Variants in MRPL32 observed in about 807,000 individuals in gnomAD.
The protein encoded by MRPL32 is large ribosomal subunit protein bL32m.
In MRPL32, 14 loss-of-function variants were observed where a neutral mutation model predicts 21.7. The observed-to-expected ratio is 0.64, with a 90% CI of 0.43 to 1.01. The LOEUF (loss-of-function observed/expected upper bound fraction) is 1.01. Among genes scored for constraint, MRPL32 ranks in the 50% least tolerant of loss-of-function variants. The pLI is 0.00. For synonymous variants in MRPL32, 83 were observed against 87.7 expected, an observed-to-expected ratio of 0.95 and a Z score of 0.30; for missense variants, 211 against 235.9, an observed-to-expected ratio of 0.89 and a Z score of 0.69.
At position 42,937,348 on chromosome 7, in the gene MRPL32, T is replaced by C; in HGVS notation, c.339T>C (p.Cys113=). 1 of 1,614,242 alleles carries C rather than the reference T, an allele frequency of 6.2e-7. No homozygotes were observed. Among genetic ancestry groups the C allele is most frequent in the Non-Finnish European group, 8.5e-7 (1 of 1,180,040 alleles). Residue 113 remains cysteine, a synonymous_variant, in exon 3 of 3, where the codon TGT becomes TGC. Transcript: ENST00000223324. The part of the protein sequence containing the change: ...VKNNIDVCPE[C]GHLKQKHVLC... ...ACAACATAGACGTTTGTCCTGAATG[T>C]GGTCACCTGAAACAGAAACATGTCC...
chr7:42,935,298 A>C, intron 2 of MRPL32, 162 bp downstream of exon 2: 2 of 599,058 alleles, frequency 3.3e-6, no homozygotes, highest in Non-Finnish European at 5.7e-6. Flanking sequence ...ACATAATGAG[A>C]AGGCTAGAGC....
chr7:42,936,452 A>G (rs1786423864), intron 2 of MRPL32: 1 of 152,204 alleles, frequency 6.6e-6, no homozygotes. Context: ...TTAGGCAAGT[A>G]ATATACAAGC....
chr7:42,932,600 CT>C, intron 1 of MRPL32, 84 bp downstream of exon 1: 1 of 1,422,280 alleles, frequency 7.0e-7, no homozygotes, highest in Admixed American at 2.6e-5. Context: ...ACAGTTCGCC[CT>C]CAGCCCCGGT....
intron 2 of MRPL32, chr7:42,936,861 G>C: frequency 4.0e-6 from 1 of 248,256 alleles, no homozygotes; most frequent in Non-Finnish European, 8.1e-6. Flanking sequence ...GTGATAAAAA[G>C]AGGAAGCCAA....
chr7:42,932,841 A>AT (rs372302840), intron 1 of MRPL32, among the ~76,000 whole-genome samples: 2 of 150,514 alleles, frequency 1.3e-5, no homozygotes, highest in Non-Finnish European at 3.0e-5. Context: ...CTGCAGGTAA[A>AT]GAGCTGAGCT....
chr7:42,934,850 G>A, intron 1 of MRPL32, 105 bp from the exon 2 acceptor site: 3 of 730,304 alleles, frequency 4.1e-6, no homozygotes, highest in Admixed American at 6.8e-5. Flanking sequence ...TATAGTTTTT[G>A]TGTGTGTGTA....
intron 1 of MRPL32, among the ~76,000 whole-genome samples, chr7:42,933,553 T>G (rs574881134): frequency 2.6e-5 from 4 of 151,652 alleles, no homozygotes; most frequent in South Asian, 2.1e-4. Flanking sequence ...TTCTGTGGTG[T>G]TTGAGCTCTG....
At chr7:42,935,294 TG>T in intron 2 of MRPL32, 158 bp downstream of exon 2, 2 of 612,350 alleles carry the variant, frequency 3.3e-6, no homozygotes, top group South Asian at 4.7e-5. Flanking sequence ...ATATACATAA[TG>T]AGAAGGCTAG....
chr7:42,936,945 T>G (rs1000629327), intron 2 of MRPL32: 2 of 344,940 alleles, frequency 5.8e-6, no homozygotes, highest in African/African-American at 4.3e-5. Context: ...TCACTTTTCC[T>G]TGGTGTCTTA....
At chr7:42,933,230 C>G (rs1032919329) in intron 1 of MRPL32, among the ~76,000 whole-genome samples, 6 of 152,126 alleles carry the variant, frequency 3.9e-5, no homozygotes, top group Non-Finnish European at 7.4e-5. Context: ...ATTTTCCAGG[C>G]AGCGTTGAGC....
At chr7:42,933,385 CTCA>C (rs1180937803) in intron 1 of MRPL32, among the ~76,000 whole-genome samples, 2 of 152,002 alleles carry the variant, frequency 1.3e-5, no homozygotes, top group African/African-American at 4.8e-5. Context: ...TTCTGCAGGT[CTCA>C]CTTGGCATCA....
chr7:42,932,585 C>G, intron 1 of MRPL32, 69 bp downstream of exon 1: 3 of 1,476,650 alleles, frequency 2.0e-6, no homozygotes, highest in Non-Finnish European at 2.7e-6. Context: ...GCAGACGCAG[C>G]TTACACAGTT....
At position 42,937,377 on chromosome 7, in the gene MRPL32, G is replaced by C. The variant is rs1437289780; in HGVS notation, c.368G>C (p.Cys123Ser). Reference protein sequence around the residue: ...CGHLKQKHVLCAYCYEKVCKE... With the variant: ...CGHLKQKHVLSAYCYEKVCKE... ...CACCTGAAACAGAAACATGTCCTTT[G>C]TGCCTACTGCTATGAAAAGGTGTGC... Residue 123 changes from cysteine to serine, a missense_variant, in exon 3 of 3, where the codon TGT becomes TCT. Cys to Ser is a moderately radical substitution (Grantham distance 112). Around this residue, in one of 2 missense-constraint regions of MRPL32, gnomAD observed 130 missense variants for 180.1 expected, o/e 0.72. Transcript: ENST00000223324. 2 of 1,614,202 alleles carry C rather than the reference G, an allele frequency of 1.2e-6. No individual in the cohort carries two copies. Among genetic ancestry groups the C allele is most frequent in the Admixed American group, 3.3e-5 (2 of 60,020 alleles).
chr7:42,932,799 A>C (rs1786350076), intron 1 of MRPL32, among the ~76,000 whole-genome samples: 1 of 151,444 alleles, frequency 6.6e-6, no homozygotes, highest in Non-Finnish European at 1.5e-5. Context: ...CCAGTAAGTA[A>C]AGCGCTGAAA....
Position 42,937,566 on chromosome 7 carries a change from C to T in MRPL32, c.557C>T (p.Thr186Ile), listed in dbSNP as rs1256824191. Reference sequence around the variant, plus strand: ...GACAGAAAGCGACCATCCTGGTTCACCCAGAATTGACACCAAAGATGTTAA... The same window carrying T: ...GACAGAAAGCGACCATCCTGGTTCATCCAGAATTGACACCAAAGATGTTAA... ...ERDRKRPSWF[T>I]QN is the part of the protein sequence containing the mutation. Residue 186 changes from threonine (T) to isoleucine (I), a missense_variant, in exon 3 of 3, where the codon ACC (threonine) becomes ATC (isoleucine). Coordinates refer to ENST00000223324, the MANE Select transcript of MRPL32 (RefSeq NM_031903.3). The T allele has an allele frequency of 6.2e-7, 1 of 1,602,938 alleles. No homozygotes were observed. The highest frequency in any genetic ancestry group is 1.1e-5 in the South Asian group (1 of 89,606).
rs769602672 is a variant in MRPL32 at position 42,937,207 on chromosome 7, C to T, written c.313-115C>T. Reference sequence around the variant, plus strand: ...GTGGAACTAGATGGTGTATGATGACCTCATGTAGCCTGAACATCCTAAGAA... The same window carrying T: ...GTGGAACTAGATGGTGTATGATGACTTCATGTAGCCTGAACATCCTAAGAA... On this transcript the variant is annotated intron_variant, in intron 2 of 2. Coordinates refer to ENST00000223324, the MANE Select transcript of MRPL32 (RefSeq NM_031903.3). 4.4e-6 allele frequency: 7 copies of T among 1,591,920 alleles called. No homozygotes were observed. The African/African-American group carries it at 8.0e-5, about 18-fold the overall frequency.
intron 2 of MRPL32, chr7:42,935,675 A>T (rs1472613962): frequency 6.6e-6 from 1 of 152,248 alleles, no homozygotes; most frequent in Non-Finnish European, 1.5e-5. Flanking sequence ...ATATCTCATC[A>T]TGTCTTATAG....
Position 42,937,424 on chromosome 7 carries a change from C to T in MRPL32, c.415C>T (p.Arg139Ter), listed in dbSNP as rs764122226. Residue 139 changes from arginine to a stop codon, truncating the protein, a stop_gained, in exon 3 of 3, where the codon CGA (arginine) becomes TGA (stop). Coordinates refer to ENST00000223324, the MANE Select transcript of MRPL32 (RefSeq NM_031903.3). LOFTEE classifies it high-confidence loss of function. ...KVCKETAEIR[R>*]QIGKQEGGPF... ...GTGCAAGGAGACTGCAGAAATCAGA[C>T]GACAGATAGGGAAGCAAGAAGGGGG... The T allele has an allele frequency of 2.5e-6, 4 of 1,614,064 alleles. No homozygotes were observed. The highest frequency in any genetic ancestry group is 2.2e-5 in the East Asian group (1 of 44,874).
intron 1 of MRPL32, among the ~76,000 whole-genome samples, chr7:42,933,389 C>T (rs1454097546): frequency 1.3e-5 from 2 of 152,048 alleles, no homozygotes; most frequent in Non-Finnish European, 2.9e-5. Context: ...GCAGGTCTCA[C>T]TTGGCATCAA....
Sources: allele counts gnomAD v4.1 joint callset (sites outside exome capture counted in the v4.1 genomes callset), GRCh38; gene constraint gnomAD v4.1.1; regional missense constraint gnomAD v4.1.1; transcripts MANE v1.5; gene names NCBI Gene and HGNC (gene_info 2026-07-23, HGNC 2026-07-21).